LPCAT2: variants seen among roughly 807,000 people sequenced by gnomAD.
LPCAT2 encodes the protein 1-AGP acyltransferase 11.
LPCAT2 carries 58 observed loss-of-function variants against 64.7 expected under a neutral mutation model. The ratio of observed to expected loss-of-function variants is 0.90; its 90% confidence interval spans 0.73 to 1.12. LPCAT2 has a LOEUF of 1.12. Ranked by LOEUF, LPCAT2 falls within the 50% of genes most tolerant of loss-of-function variation. The pLI is 0.00. For missense variants in LPCAT2, 579 were observed against 669.8 expected (o/e 0.86, Z 1.50); for synonymous variants, 252 against 245.3 (o/e 1.03, Z -0.26).
chr16:55,554,660 T>C (rs998047070), intron 11 of LPCAT2, among the ~76,000 whole-genome samples: 6 of 152,244 alleles, frequency 3.9e-5, no homozygotes, highest in Non-Finnish European at 8.8e-5. Flanking sequence ...TCAAGAACTT[T>C]CCTTTGCATT....
At chr16:55,549,483 A>G (rs2142398516) in intron 10 of LPCAT2, 81 bp downstream of exon 10, 1 of 1,296,448 alleles carries the variant, frequency 7.7e-7, no homozygotes. Flanking sequence ...CTCCTGCTTT[A>G]TTAATGCTCA....
At position 55,579,228 on chromosome 16, in the gene LPCAT2, G is replaced by T; in HGVS notation, c.1434G>T (p.Gly478=). The T allele has an allele frequency of 6.2e-7, 1 of 1,612,840 alleles. No individual in the cohort carries two copies. The highest frequency in any genetic ancestry group is 1.7e-5 in the Admixed American group (1 of 59,878). ...GTCTCTTCAAGGAAATAGCCCAAGG[G>T]GACTCAATTTCCTATGGTGAGTAGG... ...VSGLFKEIAQ[G]DSISYEEFKS... Residue 478 remains glycine, a synonymous_variant, in exon 13 of 14, where the codon GGG becomes GGT. Transcript: ENST00000262134.
At chr16:55,580,238 A>T (rs1353595439) in intron 13 of LPCAT2, among the ~76,000 whole-genome samples, 5 of 152,304 alleles carry the variant, frequency 3.3e-5, no homozygotes, top group Non-Finnish European at 5.9e-5. Flanking sequence ...TGCCTAGGGC[A>T]CTTAATCTAT....
chr16:55,560,068 T>C lies in LPCAT2; in HGVS notation c.1215+8966T>C, dbSNP rs187783708. On this transcript the variant is annotated intron_variant, in intron 11 of 13. Transcript: ENST00000262134. ...AGACTGTAAAATTAAAATGTAACTT[T>C]TTAAACTAGAGCAAGGGAGTAATTA... Among the ~76,000 whole-genome samples the C allele has an allele frequency of 3.4e-3, 518 of 152,186 alleles. 2 individuals are homozygous for C. Among genetic ancestry groups the C allele is most frequent in the African/African-American group, 0.012 (495 of 41,540 alleles).
rs140597206 is a variant in LPCAT2 at position 55,533,168 on chromosome 16, G to T, written c.762+286G>T. ...TTGGTGTGATTAATTCCCAGATTAG[G>T]GTCTCATTAGAATGAATAGTTAAAA... On this transcript the variant is annotated intron_variant, in intron 6 of 13. Coordinates refer to ENST00000262134, the MANE Select transcript of LPCAT2 (RefSeq NM_017839.5). 4.3e-4 allele frequency among the ~76,000 whole-genome samples: 66 copies of T among 152,032 alleles called. No homozygotes were observed. In the East Asian group the frequency reaches 0.012, roughly 28 times the overall value.
chr16:55,566,251 T>C (rs1032928683), intron 11 of LPCAT2, among the ~76,000 whole-genome samples: 7 of 152,348 alleles, frequency 4.6e-5, no homozygotes, highest in Middle Eastern at 3.4e-3. Context: ...TTAAGACTAC[T>C]GGATTTTGAG....
At chr16:55,566,781 G>A (rs750924180) in intron 11 of LPCAT2, 2 of 1,613,470 alleles carry the variant, frequency 1.2e-6, no homozygotes, top group Non-Finnish European at 1.7e-6. Context: ...GGCTCTATTG[G>A]AAGGAGCAGA....
intron 1 of LPCAT2, 42 bp from the exon 2 acceptor site, chr16:55,525,466 A>AATAAT (rs774885177): frequency 1.9e-6 from 3 of 1,568,246 alleles, no homozygotes; most frequent in African/African-American, 1.4e-5. Context: ...CATGAATTAA[A>AATAAT]ATAATGTCCA....
At chr16:55,580,260 G>GA (rs1176389447) in intron 13 of LPCAT2, among the ~76,000 whole-genome samples, 1 of 152,014 alleles carries the variant, frequency 6.6e-6, no homozygotes, top group Non-Finnish European at 1.5e-5. Flanking sequence ...GAGTTCATTT[G>GA]AAAAAACAGG....
chr16:55,545,888 T>A, intron 9 of LPCAT2, 71 bp downstream of exon 9: 2 of 1,276,770 alleles, frequency 1.6e-6, no homozygotes, highest in South Asian at 2.7e-5. Context: ...TTAACTCATT[T>A]TAAGGATTTT....
chr16:55,573,952 C>G (rs1264186438), intron 11 of LPCAT2, among the ~76,000 whole-genome samples: 1 of 152,078 alleles, frequency 6.6e-6, no homozygotes, highest in Non-Finnish European at 1.5e-5. Flanking sequence ...TTTAGTCAGC[C>G]TGAATTACAA....
At chr16:55,520,207 GA>G (rs1963075325) in intron 1 of LPCAT2, among the ~76,000 whole-genome samples, 1 of 151,990 alleles carries the variant, frequency 6.6e-6, no homozygotes, top group African/African-American at 2.4e-5. Context: ...AGATAATGTG[GA>G]AATAATGTAA....
intron 7 of LPCAT2, 91 bp from the exon 8 acceptor site, chr16:55,537,487 G>C: frequency 1.0e-6 from 1 of 960,080 alleles, no homozygotes; most frequent in South Asian, 1.5e-5. Flanking sequence ...TGTGATGTGA[G>C]GGTATTTGTG....
rs775683433 is a variant in LPCAT2, at chr16:55,567,342, C to T, written c.1216-7289C>T. The T allele has an allele frequency of 1.2e-5, 20 of 1,613,472 alleles. No individual in the cohort carries two copies. Among genetic ancestry groups the T allele is most frequent in the South Asian group, 2.2e-5 (2 of 91,074 alleles). ...ACAACTTTACCAAATGATTGTCCGCCGGTATGCTAATGAAGATGGAGATAT... is the reference window on the plus strand; with the variant it reads ...ACAACTTTACCAAATGATTGTCCGCTGGTATGCTAATGAAGATGGAGATAT... On this transcript the variant is annotated intron_variant, in intron 11 of 13. Coordinates refer to ENST00000262134, the MANE Select transcript of LPCAT2 (RefSeq NM_017839.5).
At chr16:55,557,651 C>T (rs1963592314) in intron 11 of LPCAT2, among the ~76,000 whole-genome samples, 1 of 152,160 alleles carries the variant, frequency 6.6e-6, no homozygotes, top group Non-Finnish European at 1.5e-5. Context: ...CCCATGTTCC[C>T]TTCCCACTTT....
At chr16:55,562,160 C>A (rs1419699833) in intron 11 of LPCAT2, among the ~76,000 whole-genome samples, 1 of 151,866 alleles carries the variant, frequency 6.6e-6, no homozygotes, top group East Asian at 1.9e-4. Context: ...TATTGATCTC[C>A]CTTTATCTCT....
At chr16:55,561,073 A>G (rs75941729) in intron 11 of LPCAT2, among the ~76,000 whole-genome samples, 3,152 of 152,000 alleles carry the variant, frequency 0.021, 103 homozygotes, top group African/African-American at 0.068. Flanking sequence ...GAATCCTATA[A>G]TGTATGTCTT....
intron 6 of LPCAT2, among the ~76,000 whole-genome samples, chr16:55,533,511 A>C (rs1025051221): frequency 6.8e-6 from 1 of 147,160 alleles, no homozygotes; most frequent in African/African-American, 2.5e-5. Context: ...CCTGGGTTCA[A>C]GTGATTCTCT....
rs931724157 is a variant in LPCAT2 at position 55,582,464 on chromosome 16, C to T, written c.1451-450C>T. On this transcript the variant is annotated intron_variant, in intron 13 of 13. Transcript: ENST00000262134. ...TTGCTTTTTTCATTAAACATTATGG[C>T]TTTAAGATTAATCCACATTGTTTCT... 2.0e-5 allele frequency among the ~76,000 whole-genome samples: 3 copies of T among 152,210 alleles called. No individual in the cohort carries two copies. The East Asian group carries it at 5.8e-4, about 29-fold the overall frequency.
Sources: allele counts gnomAD v4.1 joint callset (sites outside exome capture counted in the v4.1 genomes callset), GRCh38; gene constraint gnomAD v4.1.1; transcripts MANE v1.5; gene names NCBI Gene and HGNC (gene_info 2026-07-23, HGNC 2026-07-21).